NEDD4L: variants seen among roughly 807,000 people sequenced by gnomAD.
The protein encoded by NEDD4L is E3 ubiquitin-protein ligase NEDD4-like.
Under a neutral mutation model 148.9 loss-of-function variants are expected in NEDD4L, and 54 were observed. That is an observed-to-expected ratio of 0.36 (90% CI 0.29 to 0.45). The LOEUF is 0.45. Ranked by LOEUF, NEDD4L falls within the 20% of genes least tolerant of loss-of-function variation. The pLI is 1.00. For synonymous variants in NEDD4L, 433 were observed against 440.7 expected, an observed-to-expected ratio of 0.98 and a Z score of 0.22; for missense variants, 856 against 1,233.8, an observed-to-expected ratio of 0.69 and a Z score of 4.59.
intron 2 of NEDD4L, among the ~76,000 whole-genome samples, chr18:58,207,168 C>T (rs1040857459): frequency 2.3e-4 from 35 of 152,250 alleles, no homozygotes; most frequent in African/African-American, 7.9e-4. Flanking sequence ...TTCCAGCCGG[C>T]GCCATTTTAT....
intron 1 of NEDD4L, among the ~76,000 whole-genome samples, chr18:58,163,254 A>AG (rs2036452027): frequency 6.6e-6 from 1 of 152,200 alleles, no homozygotes; most frequent in South Asian, 2.1e-4. Context: ...TGTGTAAAAA[A>AG]TACTCTAGCA....
intron 5 of NEDD4L, among the ~76,000 whole-genome samples, chr18:58,306,469 G>A (rs176752): frequency 6.6e-6 from 1 of 152,112 alleles, no homozygotes; most frequent in Non-Finnish European, 1.5e-5. Flanking sequence ...TGGCAGCATA[G>A]CATACTAGGA....
chr18:58,180,435 T>C (rs2038724686), intron 2 of NEDD4L, among the ~76,000 whole-genome samples: 2 of 152,212 alleles, frequency 1.3e-5, no homozygotes, highest in Non-Finnish European at 2.9e-5. Flanking sequence ...CACCGAGTCC[T>C]GCACATCCTG....
At chr18:58,159,716 A>G (rs1599216318) in intron 1 of NEDD4L, among the ~76,000 whole-genome samples, 2 of 152,204 alleles carry the variant, frequency 1.3e-5, no homozygotes, top group South Asian at 2.1e-4. Flanking sequence ...TAAGTAATGT[A>G]TACGTAACTT....
intron 2 of NEDD4L, among the ~76,000 whole-genome samples, chr18:58,244,823 G>A (rs551179805): frequency 1.3e-5 from 2 of 152,252 alleles, no homozygotes; most frequent in East Asian, 3.9e-4. Context: ...AGCCTCCTGA[G>A]TAGCTGGGAT....
rs368393617 is a variant in NEDD4L at position 58,248,382 on chromosome 18, AT to A, written c.205-516del. On this transcript the variant is annotated intron_variant, in intron 3 of 30. Transcript: ENST00000400345. ...AACCTGGTTATTTTTGGAGAAAAAA[AT>A]AATTCACTTTTGGCTTACATTTGGT... is the stretch of plus-strand genomic sequence containing the variant. Among the ~76,000 whole-genome samples, 634 of 152,348 alleles carry A rather than the reference AT, an allele frequency of 4.2e-3. 1 individual carries two copies. The highest frequency in any genetic ancestry group is 0.015 in the African/African-American group (614 of 41,570).
intron 2 of NEDD4L, among the ~76,000 whole-genome samples, chr18:58,210,917 C>T (rs935805794): frequency 6.6e-6 from 1 of 152,042 alleles, no homozygotes; most frequent in Non-Finnish European, 1.5e-5. Context: ...TCCAGTAACA[C>T]CAGGGTGATT....
intron 1 of NEDD4L, among the ~76,000 whole-genome samples, chr18:58,068,201 TTTTTTTG>T (rs2082701219): frequency 8.2e-6 from 1 of 121,930 alleles, no homozygotes. Flanking sequence ...TTTTTTTTTT[TTTTTTTG>T]TTTTGTTTTG....
At chr18:58,207,317 A>ATTTTT (rs34381915) in intron 2 of NEDD4L, among the ~76,000 whole-genome samples, 1 of 147,658 alleles carries the variant, frequency 6.8e-6, no homozygotes, top group Non-Finnish European at 1.5e-5. Context: ...TATTTTAGAG[A>ATTTTT]TTTTTTTTTT....
At chr18:58,188,969 A>T (rs1237772629) in intron 2 of NEDD4L, among the ~76,000 whole-genome samples, 1 of 151,264 alleles carries the variant, frequency 6.6e-6, no homozygotes. Context: ...CCACTTTGTC[A>T]TGAGCAGGAT....
chr18:58,096,352 TTTTA>T (rs1217570969), intron 1 of NEDD4L, among the ~76,000 whole-genome samples: 8 of 7,020 alleles, frequency 1.1e-3, no homozygotes, highest in Non-Finnish European at 3.0e-3. Flanking sequence ...ATTTTATTTA[TTTTA>T]TTTTATTTTA....
intron 2 of NEDD4L, among the ~76,000 whole-genome samples, chr18:58,216,935 A>G (rs1273083403): frequency 6.6e-6 from 1 of 152,264 alleles, no homozygotes; most frequent in African/African-American, 2.4e-5. Flanking sequence ...GGTTTCATAA[A>G]TTAGGAACTG....
chr18:58,110,187 A>T lies in NEDD4L; in HGVS notation c.49-55601A>T, dbSNP rs140824381. Among the ~76,000 whole-genome samples the T allele has an allele frequency of 4.2e-3, 633 of 152,282 alleles. 5 individuals carry two copies. Among genetic ancestry groups the T allele is most frequent in the South Asian group, 0.011 (55 of 4,824 alleles). On this transcript the variant is annotated intron_variant, in intron 1 of 30. Transcript: ENST00000400345. The stretch of plus-strand genomic sequence containing the variant: ...TGTCCAAGTGGATAAATAGCCTTTC[A>T]TGTGGAGGCTGAGGGCATGGGCAGG...
rs549947758 is a variant in NEDD4L, at chr18:58,055,712, C to T, written c.48+11004C>T. ...TGACTGGTAAATTGTATTTCTTTTT[C>T]CCCACTTGCAGTTTGCAAAATAGAT... On this transcript the variant is annotated intron_variant, in intron 1 of 30. Transcript: ENST00000400345. Among the ~76,000 whole-genome samples the T allele has an allele frequency of 3.0e-4, 46 of 152,278 alleles. No individual in the cohort carries two copies. The South Asian group carries it at 8.9e-3, about 30-fold the overall frequency.
intron 2 of NEDD4L, among the ~76,000 whole-genome samples, chr18:58,239,920 A>G (rs1222951583): frequency 6.6e-6 from 1 of 152,218 alleles, no homozygotes; most frequent in Non-Finnish European, 1.5e-5. Context: ...ACTGGATTCT[A>G]TGTTGAGAAT....
chr18:58,101,482 G>A (rs779633962), intron 1 of NEDD4L, among the ~76,000 whole-genome samples: 2 of 152,008 alleles, frequency 1.3e-5, no homozygotes, highest in Non-Finnish European at 2.9e-5. Flanking sequence ...GAAAGAGCCC[G>A]TTCTTTGTTT....
intron 10 of NEDD4L, 81 bp downstream of exon 10, chr18:58,329,208 T>C (rs2059581473): frequency 1.4e-6 from 2 of 1,436,436 alleles, no homozygotes; most frequent in African/African-American, 1.4e-5. Context: ...TCATAATTTC[T>C]TCTGTCAGTA....
At chr18:58,086,204 C>A (rs969562589) in intron 1 of NEDD4L, among the ~76,000 whole-genome samples, 4 of 152,178 alleles carry the variant, frequency 2.6e-5, no homozygotes, top group Admixed American at 6.5e-5. Context: ...TGATTGGACA[C>A]CTTGCCAGCT....
chr18:58,317,644 G>C (rs1410657471), intron 6 of NEDD4L, among the ~76,000 whole-genome samples: 1 of 152,196 alleles, frequency 6.6e-6, no homozygotes, highest in Non-Finnish European at 1.5e-5. Context: ...ATAGAAAAAG[G>C]TTCCTCCTCC....
Sources: gnomAD v4.1 joint callset for allele counts (sites outside exome capture counted in the v4.1 genomes callset) on GRCh38, gnomAD v4.1.1 for gene constraint, MANE v1.5 for transcripts, NCBI Gene and HGNC (gene_info 2026-07-23, HGNC 2026-07-21) for gene names.